PRELID2: variants seen among roughly 807,000 people sequenced by gnomAD.
The protein encoded by PRELID2 is PRELI domain-containing protein 2.
A neutral mutation model predicts 28.4 loss-of-function variants in PRELID2; 25 were observed. The observed-to-expected ratio is 0.88, with a 90% CI of 0.64 to 1.23. The LOEUF (loss-of-function observed/expected upper bound fraction) is 1.23, where lower values mean the gene tolerates loss of function less well. PRELID2 is among the 50% of genes most tolerant of loss of function. The probability of loss-of-function intolerance (pLI) is 0.00; values close to 1 mark genes in which losing one functional copy is unlikely to be tolerated. For missense variants in PRELID2, 201 were observed against 214.4 expected, an observed-to-expected ratio of 0.94 and a Z score of 0.39; for synonymous variants, 76 against 71.6, an observed-to-expected ratio of 1.06 and a Z score of -0.31.
intron 1 of PRELID2, among the ~76,000 whole-genome samples, chr5:145,540,197 A>G (rs1168073314): frequency 1.3e-5 from 2 of 152,084 alleles, no homozygotes; most frequent in East Asian, 1.9e-4. Flanking sequence ...AAATTCTGCA[A>G]TTTGAGTTCT....
In PRELID2 at chr5:145,789,322, A is replaced by T. The variant is rs971218801; in HGVS notation, c.474+7120T>A. ...GACACATTGAATAATGGAATAGAAT[A>T]GAGAGACCAGAAATGAACCTGCGCA... On this transcript the variant is annotated intron_variant, in intron 5 of 6. Transcript: ENST00000683046. Among the ~76,000 whole-genome samples the T allele has an allele frequency of 7.2e-5, 11 of 152,210 alleles. 1 individual carries two copies. Among genetic ancestry groups the T allele is most frequent in the Non-Finnish European group, 1.6e-4 (11 of 68,044 alleles).
the PRELID2 span, among the ~76,000 whole-genome samples, chr5:145,343,561 A>T: frequency 6.6e-6 from 1 of 152,102 alleles, no homozygotes; most frequent in East Asian, 1.9e-4. Flanking sequence ...TACATCAAAA[A>T]ATTAGAAAGA....
intron 1 of PRELID2, among the ~76,000 whole-genome samples, chr5:145,580,178 T>G (rs1177778604): frequency 6.6e-6 from 1 of 152,058 alleles, no homozygotes; most frequent in Non-Finnish European, 1.5e-5. Context: ...CTAATATAGG[T>G]GGCAAGGCCA....
the PRELID2 span, among the ~76,000 whole-genome samples, chr5:145,336,595 G>A: frequency 3.8e-4 from 57 of 151,918 alleles, 1 homozygote; most frequent in Admixed American, 1.1e-3. Context: ...GATATGTGGC[G>A]TTATTTCTGA....
At chr5:145,536,859 G>A (rs946593662) in intron 1 of PRELID2, among the ~76,000 whole-genome samples, 3 of 151,852 alleles carry the variant, frequency 2.0e-5, no homozygotes, top group Non-Finnish European at 4.4e-5. Context: ...TCATAAGGGT[G>A]TAGGTGCATG....
At chr5:145,345,592 T>C in the PRELID2 span, among the ~76,000 whole-genome samples, 2 of 152,098 alleles carry the variant, frequency 1.3e-5, no homozygotes, top group African/African-American at 4.8e-5. Context: ...AAACACTCTA[T>C]AGCTGGCATT....
chr5:145,466,892 C>A (rs1752007316), downstream of PRELID2, among the ~76,000 whole-genome samples: 1 of 152,114 alleles, frequency 6.6e-6, no homozygotes, highest in Non-Finnish European at 1.5e-5. Context: ...ACACCTACCA[C>A]CCACCCTGAA....
chr5:145,691,352 A>G (rs1755145264), intron 1 of PRELID2, among the ~76,000 whole-genome samples: 1 of 152,222 alleles, frequency 6.6e-6, no homozygotes, highest in Non-Finnish European at 1.5e-5. Flanking sequence ...AGTAGAGCCA[A>G]GGCTAGCCAC....
the PRELID2 span, among the ~76,000 whole-genome samples, chr5:145,459,422 C>T: frequency 6.6e-6 from 1 of 152,114 alleles, no homozygotes; most frequent in South Asian, 2.1e-4. Flanking sequence ...CCAGAAAAAA[C>T]TTGCATATAG....
chr5:145,310,251 T>C, the PRELID2 span, among the ~76,000 whole-genome samples: 2 of 152,186 alleles, frequency 1.3e-5, no homozygotes, highest in Non-Finnish European at 2.9e-5. Flanking sequence ...CAATACAGTT[T>C]TAAATTAGCT....
At chr5:145,602,726 G>A (rs1580995602) in intron 1 of PRELID2, among the ~76,000 whole-genome samples, 1 of 151,826 alleles carries the variant, frequency 6.6e-6, no homozygotes, top group Admixed American at 6.6e-5. Context: ...CAATGGATAG[G>A]TTTAAGACCA....
At chr5:145,386,707 A>G in the PRELID2 span, among the ~76,000 whole-genome samples, 2 of 152,308 alleles carry the variant, frequency 1.3e-5, no homozygotes, top group African/African-American at 4.8e-5. Context: ...TACATATCCT[A>G]CCACAGGACA....
chr5:145,410,075 C>A, the PRELID2 span, among the ~76,000 whole-genome samples: 1 of 152,072 alleles, frequency 6.6e-6, no homozygotes, highest in Non-Finnish European at 1.5e-5. Flanking sequence ...ACACCCTATT[C>A]AAAAAATGGT....
At chr5:145,241,405 C>A in the PRELID2 span, among the ~76,000 whole-genome samples, 7 of 151,998 alleles carry the variant, frequency 4.6e-5, no homozygotes, top group Admixed American at 1.3e-4. Context: ...TCCACCACCA[C>A]CAACCACATG....
chr5:145,720,424 C>A (rs1460106932), intron 1 of PRELID2, among the ~76,000 whole-genome samples: 2 of 151,156 alleles, frequency 1.3e-5, no homozygotes, highest in African/African-American at 2.4e-5. Flanking sequence ...GAGCAACATA[C>A]AGATCAAGGC....
intron 5 of PRELID2, among the ~76,000 whole-genome samples, chr5:145,794,813 G>T (rs921316905): frequency 2.6e-5 from 4 of 152,024 alleles, no homozygotes; most frequent in Non-Finnish European, 5.9e-5. Context: ...TCATTATTAG[G>T]TTCATCAGAT....
At chr5:145,256,503 C>G in the PRELID2 span, among the ~76,000 whole-genome samples, 4 of 151,924 alleles carry the variant, frequency 2.6e-5, no homozygotes, top group African/African-American at 9.7e-5. Context: ...TTAATTTTAT[C>G]TGCAACCTTA....
the PRELID2 span, among the ~76,000 whole-genome samples, chr5:145,269,425 C>A: frequency 6.6e-6 from 1 of 151,936 alleles, no homozygotes; most frequent in East Asian, 1.9e-4. Flanking sequence ...AGATACTGGA[C>A]AACTGGCTAT....
intron 1 of PRELID2, among the ~76,000 whole-genome samples, chr5:145,741,981 TATAATAAATTTATTATAA>T (rs1409216117): frequency 6.8e-4 from 21 of 30,916 alleles, no homozygotes; most frequent in African/African-American, 1.9e-3. Flanking sequence ...TTTATTTAAT[TATAATAAATTTATTATAA>T]ATAATAAATT....
Sources: gnomAD v4.1 joint callset for allele counts (sites outside exome capture counted in the v4.1 genomes callset) on GRCh38, gnomAD v4.1.1 for gene constraint, MANE v1.5 for transcripts, NCBI Gene and HGNC (gene_info 2026-07-23, HGNC 2026-07-21) for gene names.